The following INPP5D variants were observed in gnomAD, a reference collection of about 807,000 sequenced individuals.
INPP5D encodes phosphatidylinositol 3,4,5-trisphosphate 5-phosphatase 1.
INPP5D carries 33 observed loss-of-function variants against 122.9 expected under a neutral mutation model. The observed-to-expected ratio is 0.27, with a 90% CI of 0.20 to 0.36. The LOEUF (loss-of-function observed/expected upper bound fraction) is 0.36, where lower values mean the gene tolerates loss of function less well. INPP5D is among the 10% of genes least tolerant of loss of function. INPP5D has a pLI of 1.00. For synonymous variants in INPP5D, 584 were observed against 576.2 expected (o/e 1.01, Z -0.19); for missense variants, 1,053 against 1,412.7 (o/e 0.75, Z 4.08).
intron 22 of INPP5D, among the ~76,000 whole-genome samples, chr2:233,190,166 C>T (rs556320911): frequency 1.3e-5 from 2 of 152,330 alleles, no homozygotes; most frequent in Non-Finnish European, 1.5e-5. Flanking sequence ...TTGAGCCTTC[C>T]CTATGTGTGA....
chr2:233,131,100 T>C, intron 5 of INPP5D: 1 of 919,128 alleles, frequency 1.1e-6, no homozygotes, highest in Non-Finnish European at 1.3e-6. Context: ...ATGTCAATTT[T>C]TCAAAGGGAG....
chr2:233,101,311 T>C (rs1025213289), intron 2 of INPP5D, among the ~76,000 whole-genome samples: 3 of 152,152 alleles, frequency 2.0e-5, no homozygotes, highest in Non-Finnish European at 4.4e-5. Context: ...GATTTGAGCC[T>C]GTAGGAGCCA....
intron 2 of INPP5D, among the ~76,000 whole-genome samples, chr2:233,111,956 G>C (rs772431466): frequency 1.1e-4 from 8 of 76,090 alleles, no homozygotes; most frequent in Non-Finnish European, 1.6e-4. Flanking sequence ...CCAGGTACTT[G>C]GGGGGGCTGA....
chr2:233,099,900 T>C (rs12475023), intron 2 of INPP5D, among the ~76,000 whole-genome samples: 7,657 of 152,218 alleles, frequency 0.05, 248 homozygotes, highest in Admixed American at 0.075. Flanking sequence ...GGGGAGGCCT[T>C]ACAATCATGG....
intron 11 of INPP5D, among the ~76,000 whole-genome samples, chr2:233,163,039 G>T (rs1054597844): frequency 7.2e-5 from 11 of 152,190 alleles, no homozygotes; most frequent in African/African-American, 2.7e-4. Flanking sequence ...AGCCTCTTGG[G>T]GGAGCAGAAT....
intron 2 of INPP5D, among the ~76,000 whole-genome samples, chr2:233,079,617 G>C (rs567318218): frequency 6.6e-6 from 1 of 152,296 alleles, no homozygotes; most frequent in African/African-American, 2.4e-5. Flanking sequence ...GCATGCCACA[G>C]GCTATTTGTG....
intron 14 of INPP5D, chr2:233,169,687 G>C (rs10803668): frequency 1.7e-6 from 1 of 572,054 alleles, no homozygotes; most frequent in Non-Finnish European, 3.0e-6. Context: ...CTCCTCTGGG[G>C]CCTCCTTACA....
intron 24 of INPP5D, 90 bp downstream of exon 24, chr2:233,195,585 G>A (rs1028443706): frequency 2.0e-5 from 32 of 1,576,806 alleles, no homozygotes; most frequent in Admixed American, 1.8e-4. Context: ...GATGGTTCAC[G>A]CCCATAATCC....
chr2:233,080,747 C>T (rs1691663380), intron 2 of INPP5D, among the ~76,000 whole-genome samples: 1 of 152,150 alleles, frequency 6.6e-6, no homozygotes, highest in South Asian at 2.1e-4. Context: ...GGGGAGACCA[C>T]AGGCAAGTCC....
intron 2 of INPP5D, among the ~76,000 whole-genome samples, chr2:233,102,844 C>T (rs1475026856): frequency 1.4e-5 from 2 of 139,956 alleles, no homozygotes; most frequent in South Asian, 2.2e-4. Context: ...AGCAAGACTC[C>T]GTCTCAAAAA....
chr2:233,167,373 GAAAA>G (rs112368312), intron 13 of INPP5D, among the ~76,000 whole-genome samples: 2 of 150,416 alleles, frequency 1.3e-5, no homozygotes, highest in African/African-American at 2.4e-5. Flanking sequence ...TCTCAAATTA[GAAAA>G]AAAAATACAA....
chr2:233,184,331 G>A, intron 19 of INPP5D, 77 bp from the exon 20 acceptor site: 1 of 1,548,440 alleles, frequency 6.5e-7, no homozygotes. Context: ...AGCTCAGTAT[G>A]TGGCATGAGA....
At chr2:233,084,608 G>T (rs967033029) in intron 2 of INPP5D, among the ~76,000 whole-genome samples, 2 of 152,240 alleles carry the variant, frequency 1.3e-5, no homozygotes, top group Admixed American at 6.5e-5. Flanking sequence ...ACAAGCATCC[G>T]GGAGGTGAAC....
intron 18 of INPP5D, among the ~76,000 whole-genome samples, chr2:233,180,527 GTTTTTTGTTTT>G (rs1451803214): frequency 2.0e-5 from 3 of 151,928 alleles, no homozygotes; most frequent in Admixed American, 6.6e-5. Context: ...CCTGTGTCCA[GTTTTTTGTTTT>G]TTTTGTTTTG....
chr2:233,164,178 C>T lies in INPP5D; in HGVS notation c.1438-129C>T. On this transcript the variant is annotated intron_variant, in intron 12 of 26. Coordinates refer to ENST00000445964, the MANE Select transcript of INPP5D (RefSeq NM_001017915.3). The surrounding 1 kb of genome is among the most constrained non-coding windows in gnomAD (Gnocchi z 4.3). Reference sequence around the variant, plus strand: ...CCTATCAAGCATCGCTGGGAGTCCCCCGAAGGGTTGGGATTACAGACAGGA... The same window carrying T: ...CCTATCAAGCATCGCTGGGAGTCCCTCGAAGGGTTGGGATTACAGACAGGA... 7.0e-7 allele frequency: 1 copy of T among 1,437,784 alleles called. No homozygotes were observed. The highest frequency in any genetic ancestry group is 9.1e-7 in the Non-Finnish European group (1 of 1,096,068). 89.1% of individuals were successfully genotyped at this position (1,437,784 alleles called of 1,614,324 possible).
intron 5 of INPP5D, among the ~76,000 whole-genome samples, chr2:233,134,543 C>T (rs11682728): frequency 0.47 from 71,353 of 151,640 alleles, 17,204 homozygotes; most frequent in African/African-American, 0.54. Flanking sequence ...AATGTTGTGA[C>T]GATGTCCCCG....
At chr2:233,132,323 T>G (rs1057324562) in intron 5 of INPP5D, among the ~76,000 whole-genome samples, 11 of 152,222 alleles carry the variant, frequency 7.2e-5, no homozygotes, top group African/African-American at 2.7e-4. Context: ...CTTCTGCACA[T>G]TGTTAGATTT....
chr2:233,074,861 G>A (rs960853274), intron 1 of INPP5D, among the ~76,000 whole-genome samples: 1 of 152,192 alleles, frequency 6.6e-6, no homozygotes, highest in African/African-American at 2.4e-5. Flanking sequence ...CTGTCTCTCT[G>A]TGGGTCTGTC....
intron 9 of INPP5D, among the ~76,000 whole-genome samples, chr2:233,150,824 G>C (rs1349150406): frequency 6.6e-6 from 1 of 152,094 alleles, no homozygotes; most frequent in African/African-American, 2.4e-5. Flanking sequence ...TGGGGAGTGA[G>C]GGCAGGAGAC....
Sources: allele counts gnomAD v4.1 joint callset (sites outside exome capture counted in the v4.1 genomes callset), GRCh38; gene constraint gnomAD v4.1.1; non-coding constraint Gnocchi (gnomAD v3.1); transcripts MANE v1.5; gene names NCBI Gene and HGNC (gene_info 2026-07-23, HGNC 2026-07-21).